Variants in UMAD1 observed in about 807,000 individuals in gnomAD.
The protein encoded by UMAD1 is UBAP1-MVB12-associated (UMA) domain containing 1.
UMAD1 carries 8 observed loss-of-function variants against 6.1 expected under a neutral mutation model. That is an observed-to-expected ratio of 1.30 (90% CI 0.76 to 2.35). The LOEUF (loss-of-function observed/expected upper bound fraction) is 2.35, where lower values mean the gene tolerates loss of function less well. Ranked by LOEUF, UMAD1 falls within the 30% of genes most tolerant of loss-of-function variation. The probability of loss-of-function intolerance (pLI) is 0.00; values close to 1 mark genes in which losing one functional copy is unlikely to be tolerated. For synonymous variants in UMAD1, 56 were observed against 31.4 expected, an observed-to-expected ratio of 1.78 and a Z score of -2.61; for missense variants, 130 against 78.4, an observed-to-expected ratio of 1.66 and a Z score of -2.49.
rs538921224 is a variant in UMAD1, at chr7:7,673,367, C to T, written c.-5C>T. 14 of 1,105,544 alleles carry T rather than the reference C, an allele frequency of 1.3e-5. No homozygotes were observed. The South Asian group carries it at 1.8e-4, about 14-fold the overall frequency. 68.5% of individuals were successfully genotyped at this position (1,105,544 alleles called of 1,614,324 possible). ...GCAGCAGCAGCAGCAGCAGCAGCAG[C>T]AGCAATGTTTCACTTCTTCAGAAAG... On this transcript the variant is annotated 5_prime_UTR_variant, in exon 2 of 4. Transcript: ENST00000682710.
chr7:7,806,380 C>T (rs1403361257), intron 3 of UMAD1, among the ~76,000 whole-genome samples: 1 of 152,082 alleles, frequency 6.6e-6, no homozygotes, highest in African/African-American at 2.4e-5. Flanking sequence ...ACCCCAATGT[C>T]CTCTTAATGC....
chr7:7,701,988 G>T (rs2115155410), intron 2 of UMAD1, among the ~76,000 whole-genome samples: 1 of 152,202 alleles, frequency 6.6e-6, no homozygotes, highest in East Asian at 1.9e-4. Flanking sequence ...AATAAGAGTG[G>T]CTCATGATTT....
intron 2 of UMAD1, among the ~76,000 whole-genome samples, chr7:7,770,272 A>G (rs566228392): frequency 6.6e-6 from 1 of 152,260 alleles, no homozygotes; most frequent in African/African-American, 2.4e-5. Context: ...CCCCAGAGGC[A>G]AGTGCATCTA....
chr7:7,642,375 A>G (rs1317721867), intron 1 of UMAD1, among the ~76,000 whole-genome samples: 3 of 151,772 alleles, frequency 2.0e-5, no homozygotes, highest in Non-Finnish European at 4.4e-5. Context: ...GCTTATCTCA[A>G]ACTCCTGGGC....
At chr7:7,751,940 A>G (rs748781189) in intron 2 of UMAD1, among the ~76,000 whole-genome samples, 1 of 152,224 alleles carries the variant, frequency 6.6e-6, no homozygotes, top group African/African-American at 2.4e-5. Flanking sequence ...GATCACAGGC[A>G]TTTATCAGAT....
Position 7,809,143 on chromosome 7 carries a change from A to C in UMAD1, c.156+7400A>C, listed in dbSNP as rs112989696. On this transcript the variant is annotated intron_variant, in intron 3 of 3. Coordinates refer to ENST00000682710, the MANE Select transcript of UMAD1 (RefSeq NM_001302348.2). ...ATTAAGGTAGTAGCAATAACAATAA[A>C]AACTGTTTTGCTAAAATTGTTAGGG... Among the ~76,000 whole-genome samples, 1,266 of 152,100 alleles carry C rather than the reference A, an allele frequency of 8.3e-3. 17 individuals carry two copies. The highest frequency in any genetic ancestry group is 0.028 in the African/African-American group (1,172 of 41,540).
At chr7:7,799,165 T>G (rs1188784185) in intron 2 of UMAD1, among the ~76,000 whole-genome samples, 1 of 152,236 alleles carries the variant, frequency 6.6e-6, no homozygotes, top group Non-Finnish European at 1.5e-5. Context: ...AAAATAATTC[T>G]TCAAGGGGTG....
intron 2 of UMAD1, among the ~76,000 whole-genome samples, chr7:7,784,968 C>T (rs1369776738): frequency 6.6e-6 from 1 of 151,992 alleles, no homozygotes; most frequent in Non-Finnish European, 1.5e-5. Flanking sequence ...TTCACCGTGT[C>T]CTTCCTTCTT....
Position 7,649,182 on chromosome 7 carries a change from A to G in UMAD1, c.-64+8361A>G, listed in dbSNP as rs1785166510. Among the ~76,000 whole-genome samples, 7 of 151,152 alleles carry G rather than the reference A, an allele frequency of 4.6e-5. No homozygotes were observed. The South Asian group carries it at 1.5e-3, about 32-fold the overall frequency. On this transcript the variant is annotated intron_variant, in intron 1 of 3. Coordinates refer to ENST00000682710, the MANE Select transcript of UMAD1 (RefSeq NM_001302348.2). ...TCAAAAAAAAAAAAAAAAAAAAAGAAAAGAAAAGAATAAAAAAGGAAAGGA... is the reference window on the plus strand; with the variant it reads ...TCAAAAAAAAAAAAAAAAAAAAAGAGAAGAAAAGAATAAAAAAGGAAAGGA...
At chr7:7,748,876 G>A (rs1425594422) in intron 2 of UMAD1, among the ~76,000 whole-genome samples, 1 of 152,086 alleles carries the variant, frequency 6.6e-6, no homozygotes, top group Non-Finnish European at 1.5e-5. Context: ...CAGCCAGGCA[G>A]GGTCATCAGT....
chr7:7,864,628 C>T (rs2115335451), intron 3 of UMAD1, among the ~76,000 whole-genome samples: 1 of 151,718 alleles, frequency 6.6e-6, no homozygotes, highest in African/African-American at 2.4e-5. Context: ...CACACACACA[C>T]ACACACACAC....
intron 3 of UMAD1, among the ~76,000 whole-genome samples, chr7:7,873,900 A>G (rs1470264595): frequency 1.3e-5 from 2 of 152,192 alleles, no homozygotes; most frequent in Non-Finnish European, 2.9e-5. Context: ...CGTAACACCT[A>G]GAAAATACTG....
chr7:7,791,158 G>T (rs1432933170), intron 2 of UMAD1, among the ~76,000 whole-genome samples: 2 of 151,006 alleles, frequency 1.3e-5, no homozygotes, highest in African/African-American at 5.0e-5. Flanking sequence ...AAAGTGCTGG[G>T]ATTACAGGCA....
chr7:7,668,793 C>T (rs1476867757), intron 1 of UMAD1, among the ~76,000 whole-genome samples: 1 of 152,128 alleles, frequency 6.6e-6, no homozygotes, highest in Admixed American at 6.6e-5. Flanking sequence ...TAATTATTTA[C>T]CCAATTATTC....
intron 2 of UMAD1, among the ~76,000 whole-genome samples, chr7:7,783,141 A>G (rs10272776): frequency 0.5 from 75,272 of 151,906 alleles, 21,820 homozygotes; most frequent in Non-Finnish European, 0.63. Context: ...GGAAGAGACT[A>G]TCTAGGGTCT....
chr7:7,870,248 G>T (rs1784309836), intron 3 of UMAD1, among the ~76,000 whole-genome samples: 2 of 152,030 alleles, frequency 1.3e-5, no homozygotes, highest in South Asian at 4.1e-4. Context: ...ATCTGACACG[G>T]TATGCTCATA....
At chr7:7,794,795 C>T (rs764401558) in intron 2 of UMAD1, among the ~76,000 whole-genome samples, 16 of 152,294 alleles carry the variant, frequency 1.1e-4, no homozygotes, top group Middle Eastern at 6.8e-3. Flanking sequence ...CGTAGAGAAT[C>T]TCCTTCCCTT....
At chr7:7,727,059 C>T (rs941177567) in intron 2 of UMAD1, among the ~76,000 whole-genome samples, 1 of 151,986 alleles carries the variant, frequency 6.6e-6, no homozygotes, top group Non-Finnish European at 1.5e-5. Context: ...GTCACTCCAT[C>T]TGGAAAAAAA....
At chr7:7,782,218 A>G (rs1782359001) in intron 2 of UMAD1, among the ~76,000 whole-genome samples, 1 of 150,632 alleles carries the variant, frequency 6.6e-6, no homozygotes, top group Admixed American at 6.6e-5. Context: ...TTAAATACTA[A>G]TGGAAAATAA....
Sources: gnomAD v4.1 joint callset for allele counts (sites outside exome capture counted in the v4.1 genomes callset) on GRCh38, gnomAD v4.1.1 for gene constraint, MANE v1.5 for transcripts, NCBI Gene and HGNC (gene_info 2026-07-23, HGNC 2026-07-21) for gene names.